ZNF487: variants seen among roughly 807,000 people sequenced by gnomAD.
ZNF487 encodes zinc finger protein 487, also known as KRAB domain only 1.
In ZNF487, 4 loss-of-function variants were observed where a neutral mutation model predicts 3.0. That is an observed-to-expected ratio of 1.35 (90% CI 0.66 to 3.08). The LOEUF is 3.08. Ranked by LOEUF, ZNF487 falls within the 30% of genes most tolerant of loss-of-function variation. The pLI is 0.01. For missense variants in ZNF487, 146 were observed against 98.7 expected (o/e 1.48, Z -2.03); for synonymous variants, 55 against 34.6 (o/e 1.59, Z -2.06).
chr10:43,503,366 A>G, the ZNF487 span, among the ~76,000 whole-genome samples: 3 of 152,354 alleles, frequency 2.0e-5, no homozygotes, highest in East Asian at 5.8e-4. Context: ...ATTACAAAAG[A>G]GTCAAAATGT....
chr10:43,489,305 A>T, the ZNF487 span, among the ~76,000 whole-genome samples: 8 of 152,192 alleles, frequency 5.3e-5, no homozygotes, highest in Non-Finnish European at 7.4e-5. Flanking sequence ...AAAAAAATTT[A>T]AAAAGTCACT....
At chr10:43,488,551 A>G in the ZNF487 span, among the ~76,000 whole-genome samples, 1 of 152,224 alleles carries the variant, frequency 6.6e-6, no homozygotes, top group Non-Finnish European at 1.5e-5. Context: ...TAAAACAAAA[A>G]TATAAACAGC....
In ZNF487 at chr10:43,481,473, C is replaced by A. The variant is rs1424943770; in HGVS notation, c.175C>A (p.Gln59Lys). The part of the protein sequence containing the change: ...DDLMEKRQEN[Q>K]DQHLQKVDFV... ...CCTGATGGAGAAGAGACAGGAAAAT[C>A]AAGACCAGCATTTGCAGAAAGTTGA... is the stretch of plus-strand genomic sequence containing the variant. Residue 59 changes from glutamine (Q) to lysine (K), a missense_variant, in exon 4 of 4, where the codon CAA (glutamine) becomes AAA (lysine). Gln to Lys is a moderately conservative substitution (Grantham distance 53). Coordinates refer to ENST00000437590, the MANE Select transcript of ZNF487 (RefSeq NM_001355444.3). The A allele has an allele frequency of 2.8e-6, 2 of 716,950 alleles. No homozygotes were observed. The highest frequency in any genetic ancestry group is 2.7e-5 in the East Asian group (1 of 37,282). 44.4% of individuals were successfully genotyped at this position (716,950 alleles called of 1,614,324 possible). A position where few individuals can be genotyped will look rare whatever the true frequency, so the allele number is the denominator to read the frequency against.
chr10:43,450,066 G>A (rs1367175658), intron 1 of ZNF487, among the ~76,000 whole-genome samples: 2 of 151,928 alleles, frequency 1.3e-5, no homozygotes, highest in Non-Finnish European at 2.9e-5. Flanking sequence ...GTTTTGAGAC[G>A]GAGTTTTGCT....
At chr10:43,496,679 T>A in the ZNF487 span, among the ~76,000 whole-genome samples, 1 of 152,204 alleles carries the variant, frequency 6.6e-6, no homozygotes, top group Non-Finnish European at 1.5e-5. Context: ...AATTTATTTC[T>A]CCCAGTTTTG....
intron 1 of ZNF487, among the ~76,000 whole-genome samples, chr10:43,447,202 G>A (rs571557179): frequency 3.9e-5 from 6 of 152,046 alleles, no homozygotes; most frequent in East Asian, 1.9e-4. Context: ...GGGGGAGACC[G>A]TGGAAAGCGG....
At chr10:43,488,777 C>G in the ZNF487 span, among the ~76,000 whole-genome samples, 1 of 152,006 alleles carries the variant, frequency 6.6e-6, no homozygotes, top group Non-Finnish European at 1.5e-5. Flanking sequence ...AATGACTGAC[C>G]AAGTAGGGTT....
chr10:43,475,442 G>A (rs993454760), intron 1 of ZNF487, among the ~76,000 whole-genome samples: 4 of 151,780 alleles, frequency 2.6e-5, no homozygotes, highest in Non-Finnish European at 2.9e-5. Context: ...TTGTGCCCCA[G>A]TGGTCAAGGT....
chr10:43,464,187 T>C (rs1172873928), intron 1 of ZNF487, among the ~76,000 whole-genome samples: 1 of 150,736 alleles, frequency 6.6e-6, no homozygotes, highest in Non-Finnish European at 1.5e-5. Flanking sequence ...TTTTTCTTTT[T>C]TTTTTTTTTG....
chr10:43,452,215 C>T (rs1398565585), intron 1 of ZNF487: 1 of 152,156 alleles, frequency 6.6e-6, no homozygotes, highest in African/African-American at 2.4e-5. Context: ...TCAAGCCCCA[C>T]CTCTTCCCTC....
At chr10:43,486,976 A>G (rs1317235556), downstream of ZNF487, among the ~76,000 whole-genome samples, 1 of 152,214 alleles carries the variant, frequency 6.6e-6, no homozygotes, top group Non-Finnish European at 1.5e-5. Flanking sequence ...TTAAACTTAT[A>G]AAATCTAATC....
the ZNF487 span, among the ~76,000 whole-genome samples, chr10:43,523,002 T>A: frequency 6.6e-6 from 1 of 152,250 alleles, no homozygotes; most frequent in South Asian, 2.1e-4. Flanking sequence ...TATTCCACTT[T>A]ATCCAGTTTT....
chr10:43,473,045 CAA>C (rs375326367), intron 1 of ZNF487, among the ~76,000 whole-genome samples: 9 of 78,568 alleles, frequency 1.1e-4, no homozygotes, highest in Admixed American at 1.5e-4. Flanking sequence ...GACTCTGTCT[CAA>C]AAAAAAAAAA....
chr10:43,522,488 C>G, the ZNF487 span, among the ~76,000 whole-genome samples: 19 of 152,316 alleles, frequency 1.2e-4, no homozygotes, highest in South Asian at 4.1e-4. Flanking sequence ...AATCTCTGCA[C>G]TTTGAGAGGC....
Position 43,476,238 on chromosome 10 carries a change from G to A in ZNF487, c.130+36G>A, listed in dbSNP as rs1310331314. On this transcript the variant is annotated intron_variant, in intron 3 of 3. Coordinates refer to ENST00000437590, the MANE Select transcript of ZNF487 (RefSeq NM_001355444.3). ...AAATATATAGGAAGCTATAATCCCAGGGAGAAATTTGATCCTAGGGAGATA... is the reference window on the plus strand; with the variant it reads ...AAATATATAGGAAGCTATAATCCCAAGGAGAAATTTGATCCTAGGGAGATA... The A allele has an allele frequency of 4.3e-6, 3 of 703,750 alleles. No homozygotes were observed. In the Admixed American group the frequency reaches 6.5e-5, roughly 15 times the overall value. 43.6% of individuals were successfully genotyped at this position (703,750 alleles called of 1,614,324 possible). A position where few individuals can be genotyped will look rare whatever the true frequency, so the allele number is the denominator to read the frequency against.
At chr10:43,514,968 T>C in the ZNF487 span, among the ~76,000 whole-genome samples, 1 of 152,236 alleles carries the variant, frequency 6.6e-6, no homozygotes, top group Admixed American at 6.5e-5. Flanking sequence ...AGATGAGGCA[T>C]ATCCAGCTTG....
intron 1 of ZNF487, among the ~76,000 whole-genome samples, chr10:43,442,068 T>G (rs57862979): frequency 0.034 from 5,188 of 151,806 alleles, 114 homozygotes; most frequent in South Asian, 0.042. Flanking sequence ...CGAAAAAAAA[T>G]TTTAAATTTA....
intron 1 of ZNF487, among the ~76,000 whole-genome samples, chr10:43,474,386 G>A (rs1163826742): frequency 1.3e-5 from 2 of 150,164 alleles, no homozygotes; most frequent in African/African-American, 4.9e-5. Context: ...CCTGGGAGGT[G>A]GAGGTTGCGG....
the ZNF487 span, among the ~76,000 whole-genome samples, chr10:43,503,162 G>T: frequency 6.6e-6 from 1 of 152,098 alleles, no homozygotes; most frequent in South Asian, 2.1e-4. Context: ...ACCCTCCAGT[G>T]GAACAAGATG....
Sources: gnomAD v4.1 joint callset for allele counts (sites outside exome capture counted in the v4.1 genomes callset) on GRCh38, gnomAD v4.1.1 for gene constraint, MANE v1.5 for transcripts, NCBI Gene and HGNC (gene_info 2026-07-23, HGNC 2026-07-21) for gene names.